Variants in FAM135A observed in about 807,000 individuals in gnomAD.
FAM135A encodes family with sequence similarity 135 member A.
FAM135A carries 79 observed loss-of-function variants against 146.8 expected under a neutral mutation model. That is an observed-to-expected ratio of 0.54 (90% CI 0.45 to 0.65). The LOEUF is 0.65. Ranked by LOEUF, FAM135A falls within the 30% of genes least tolerant of loss-of-function variation. The pLI, the probability that FAM135A is intolerant of heterozygous loss-of-function variation, is 0.00. For missense variants in FAM135A, 1,623 were observed against 1,758.2 expected (o/e 0.92, Z 1.38); for synonymous variants, 562 against 603.6 (o/e 0.93, Z 1.01).
intron 5 of FAM135A, among the ~76,000 whole-genome samples, chr6:70,474,318 C>A (rs1242997785): frequency 1.3e-5 from 2 of 151,890 alleles, no homozygotes; most frequent in Admixed American, 6.6e-5. Flanking sequence ...TTCTGGAGCA[C>A]AGGGTAATAA....
chr6:70,557,113 C>A (rs1177487648), intron 21 of FAM135A: 2 of 552,700 alleles, frequency 3.6e-6, no homozygotes, highest in East Asian at 5.6e-5. Context: ...GTAGTTCATA[C>A]TTTGATTTCC....
intron 5 of FAM135A, among the ~76,000 whole-genome samples, chr6:70,463,578 C>G (rs1156765435): frequency 6.6e-6 from 1 of 151,966 alleles, no homozygotes; most frequent in African/African-American, 2.4e-5. Context: ...TTTCTATGTA[C>G]CTCTTTTAGC....
intron 5 of FAM135A, among the ~76,000 whole-genome samples, chr6:70,474,835 T>C (rs531506979): frequency 3.6e-4 from 55 of 152,318 alleles, no homozygotes; most frequent in African/African-American, 1.3e-3. Context: ...GCTCAGTCTT[T>C]AGCTATTCTC....
intron 16 of FAM135A, among the ~76,000 whole-genome samples, chr6:70,529,794 G>T (rs535988113): frequency 6.6e-6 from 1 of 152,232 alleles, no homozygotes; most frequent in African/African-American, 2.4e-5. Flanking sequence ...CGGGCGCTGT[G>T]GCTTACACCT....
intron 11 of FAM135A, among the ~76,000 whole-genome samples, chr6:70,494,170 G>A (rs1318480536): frequency 6.6e-6 from 1 of 151,180 alleles, no homozygotes; most frequent in Non-Finnish European, 1.5e-5. Context: ...TTTAGTTTTT[G>A]CTTTATGTAT....
intron 20 of FAM135A, among the ~76,000 whole-genome samples, chr6:70,547,008 C>G (rs1294393077): frequency 6.6e-6 from 1 of 152,100 alleles, no homozygotes; most frequent in Admixed American, 6.5e-5. Context: ...CTCTGACATT[C>G]CATAATGAGG....
In FAM135A at chr6:70,526,630, C is replaced by T. The variant is rs1463550840; in HGVS notation, c.3546C>T (p.Ser1182=). Residue 1182 remains serine (S), a synonymous_variant, in exon 15 of 22, where the codon AGC becomes AGT. Transcript: ENST00000418814. Reference sequence around the variant, plus strand: ...TTGATGCCATTACAAAGCAGCCAAGCAGTACTTCTTACAACTTCACTTCTT... The same window carrying T: ...TTGATGCCATTACAAAGCAGCCAAGTAGTACTTCTTACAACTTCACTTCTT... ...SKFDAITKQP[S]STSYNFTSSI... 1 of 1,612,678 alleles carries T rather than the reference C, an allele frequency of 6.2e-7. No individual in the cohort carries two copies. Among genetic ancestry groups the T allele is most frequent in the Non-Finnish European group, 8.5e-7 (1 of 1,179,480 alleles).
chr6:70,415,312 TGTATTTGGTTCTGGAATCTCAAAGCA>T lies in FAM135A; in HGVS notation c.-195_-170del, dbSNP rs752259819. ...GTAGGGTTGAAGATCAACTGGATTA[TGTATTTGGTTCTGGAATCTCAAAGCA>T]GTCCACAAACAAATTCTTCCTTATG... On this transcript the variant is annotated 5_prime_UTR_variant, in exon 2 of 22. The change abolishes the stop of an existing upstream ORF in the 5' untranslated region. Transcript: ENST00000418814. The T allele has an allele frequency of 8.5e-5, 13 of 152,244 alleles. No homozygotes were observed. Among genetic ancestry groups the T allele is most frequent in the Non-Finnish European group, 1.9e-4 (13 of 68,040 alleles). 9.4% of individuals were successfully genotyped at this position (152,244 alleles called of 1,614,324 possible). A position where few individuals can be genotyped will look rare whatever the true frequency, so the allele number is the denominator to read the frequency against.
At chr6:70,533,685 T>C in intron 17 of FAM135A, 72 bp from the exon 18 acceptor site, 1 of 902,010 alleles carries the variant, frequency 1.1e-6, no homozygotes, top group Non-Finnish European at 1.7e-6. Flanking sequence ...ATTAAAAATG[T>C]TTATATTGTT....
At chr6:70,535,154 A>G (rs1233734523) in intron 18 of FAM135A, among the ~76,000 whole-genome samples, 1 of 152,162 alleles carries the variant, frequency 6.6e-6, no homozygotes, top group Non-Finnish European at 1.5e-5. Context: ...GTCAGCTACC[A>G]TCAGAATTCC....
chr6:70,437,642 T>C (rs1773474879), intron 4 of FAM135A, among the ~76,000 whole-genome samples: 1 of 152,122 alleles, frequency 6.6e-6, no homozygotes, highest in Non-Finnish European at 1.5e-5. Flanking sequence ...AAATATACTT[T>C]CCATTTACTT....
At chr6:70,440,332 A>C (rs1265889939) in intron 4 of FAM135A, among the ~76,000 whole-genome samples, 1 of 152,202 alleles carries the variant, frequency 6.6e-6, no homozygotes, top group African/African-American at 2.4e-5. Flanking sequence ...CTATCACTTA[A>C]TTGATGGTAC....
rs1800981684 is a variant in FAM135A at position 70,557,047 on chromosome 6, A to G, written c.4342+184A>G. ...ACCTGCCACGTGAACTGCCTTTACC[A>G]ATGAAGTAATACTTTCATCTAATTA... On this transcript the variant is annotated intron_variant, in intron 21 of 21. Transcript: ENST00000418814. 8 of 591,822 alleles carry G rather than the reference A, an allele frequency of 1.4e-5. No individual in the cohort carries two copies. In the East Asian group the frequency reaches 1.9e-4, roughly 14 times the overall value. 36.7% of individuals were successfully genotyped at this position (591,822 alleles called of 1,614,324 possible). A position where few individuals can be genotyped will look rare whatever the true frequency, so the allele number is the denominator to read the frequency against.
intron 1 of FAM135A, chr6:70,413,960 C>G: frequency 2.0e-6 from 2 of 985,682 alleles, no homozygotes; most frequent in Non-Finnish European, 2.4e-6. Context: ...CGCGGCCGCC[C>G]CTGCCCCTGC....
At chr6:70,539,651 C>T (rs1260701377) in intron 20 of FAM135A, among the ~76,000 whole-genome samples, 2 of 152,092 alleles carry the variant, frequency 1.3e-5, no homozygotes, top group Admixed American at 6.5e-5. Flanking sequence ...GCTGTGCTAC[C>T]ATCTATTATT....
intron 5 of FAM135A, among the ~76,000 whole-genome samples, chr6:70,461,238 T>C (rs1055079897): frequency 2.0e-5 from 3 of 152,330 alleles, no homozygotes; most frequent in Admixed American, 2.0e-4. Flanking sequence ...CTGTGCTACC[T>C]GGGAAAACTC....
intron 20 of FAM135A, among the ~76,000 whole-genome samples, chr6:70,553,628 A>T (rs1185389483): frequency 6.6e-6 from 1 of 152,214 alleles, no homozygotes; most frequent in Non-Finnish European, 1.5e-5. Context: ...CCTCCCAGAC[A>T]TGTTGCATAA....
intron 10 of FAM135A, among the ~76,000 whole-genome samples, chr6:70,490,323 G>T (rs1170056433): frequency 6.6e-6 from 1 of 152,096 alleles, no homozygotes; most frequent in Admixed American, 6.5e-5. Flanking sequence ...TCAGACATTA[G>T]TGTAATTCCT....
intron 2 of FAM135A, 43 bp from the exon 3 acceptor site, chr6:70,426,394 TTA>T: frequency 6.6e-6 from 1 of 152,334 alleles, no homozygotes; most frequent in Non-Finnish European, 1.5e-5. Context: ...ACAGACTTTT[TTA>T]TGTCTACTAT....
Sources: gnomAD v4.1 joint callset for allele counts (sites outside exome capture counted in the v4.1 genomes callset) on GRCh38, gnomAD v4.1.1 for gene constraint, MANE v1.5 for transcripts, NCBI Gene and HGNC (gene_info 2026-07-23, HGNC 2026-07-21) for gene names.